Variants in SSBP2 observed in about 807,000 individuals in gnomAD.
The protein encoded by SSBP2 is single stranded DNA binding protein 2.
SSBP2 carries 17 observed loss-of-function variants against 61.8 expected under a neutral mutation model. The ratio of observed to expected loss-of-function variants is 0.28; its 90% CI spans 0.19 to 0.41. The LOEUF is 0.41. Ranked by LOEUF, SSBP2 falls within the 10% of genes least tolerant of loss-of-function variation. The pLI, the probability that SSBP2 is intolerant of heterozygous loss-of-function variation, is 1.00. For missense variants in SSBP2, 310 were observed against 458.7 expected (o/e 0.68, Z 2.96); for synonymous variants, 139 against 141.3 (o/e 0.98, Z 0.12).
intron 4 of SSBP2, among the ~76,000 whole-genome samples, chr5:81,531,831 G>A (rs1349122884): frequency 6.6e-6 from 1 of 152,092 alleles, no homozygotes; most frequent in African/African-American, 2.4e-5. Context: ...TAAGGCTAGA[G>A]CAAGAGGTAT....
intron 1 of SSBP2, among the ~76,000 whole-genome samples, chr5:81,698,243 C>T (rs753901688): frequency 2.6e-5 from 4 of 152,166 alleles, no homozygotes; most frequent in Admixed American, 6.5e-5. Flanking sequence ...AATTCTTCTA[C>T]ATTATGTGTA....
chr5:81,740,483 G>A (rs761245979), intron 1 of SSBP2, among the ~76,000 whole-genome samples: 1 of 151,928 alleles, frequency 6.6e-6, no homozygotes, highest in Non-Finnish European at 1.5e-5. Context: ...TTTTCTAATA[G>A]CCAGTATTAC....
At chr5:81,671,652 T>C (rs925355699) in intron 1 of SSBP2, among the ~76,000 whole-genome samples, 2 of 152,270 alleles carry the variant, frequency 1.3e-5, no homozygotes, top group Non-Finnish European at 2.9e-5. Flanking sequence ...TCTATTAATG[T>C]TCCAGCACTT....
intron 3 of SSBP2, among the ~76,000 whole-genome samples, chr5:81,630,625 G>T (rs760151949): frequency 6.6e-6 from 1 of 151,768 alleles, no homozygotes; most frequent in Non-Finnish European, 1.5e-5. Context: ...TACTTATTTG[G>T]TATCTACAGC....
At chr5:81,611,613 G>C (rs1419313730) in intron 4 of SSBP2, among the ~76,000 whole-genome samples, 3 of 152,100 alleles carry the variant, frequency 2.0e-5, no homozygotes, top group Non-Finnish European at 4.4e-5. Flanking sequence ...ATCACAGGCA[G>C]TGTAACATCA....
chr5:81,426,440 G>C (rs188791030), intron 16 of SSBP2, among the ~76,000 whole-genome samples: 1 of 152,306 alleles, frequency 6.6e-6, no homozygotes, highest in Non-Finnish European at 1.5e-5. Flanking sequence ...CAGGAGACAA[G>C]GAGGGAAGAG....
At chr5:81,521,655 T>C (rs913095048) in intron 4 of SSBP2, among the ~76,000 whole-genome samples, 3 of 152,148 alleles carry the variant, frequency 2.0e-5, no homozygotes, top group African/African-American at 4.8e-5. Flanking sequence ...TACTTTTAAT[T>C]CTCAGATGTT....
intron 4 of SSBP2, among the ~76,000 whole-genome samples, chr5:81,576,621 T>C (rs1774238323): frequency 6.6e-6 from 1 of 152,148 alleles, no homozygotes; most frequent in South Asian, 2.1e-4. Flanking sequence ...ACTAGATGTC[T>C]GACCTTCACA....
chr5:81,675,250 G>A (rs1188796963), intron 1 of SSBP2, among the ~76,000 whole-genome samples: 1 of 152,102 alleles, frequency 6.6e-6, no homozygotes, highest in Non-Finnish European at 1.5e-5. Context: ...TTTTTAGCTA[G>A]ACACATTGTT....
chr5:81,482,305 C>T (rs1042658844), intron 6 of SSBP2, among the ~76,000 whole-genome samples: 4 of 152,088 alleles, frequency 2.6e-5, no homozygotes, highest in African/African-American at 9.7e-5. Context: ...CTGGCTTCAA[C>T]TTAAGGTCAC....
At chr5:81,430,002 C>T (rs568708787) in intron 15 of SSBP2, among the ~76,000 whole-genome samples, 3 of 152,014 alleles carry the variant, frequency 2.0e-5, no homozygotes, top group African/African-American at 4.8e-5. Flanking sequence ...AAATTTTTCT[C>T]TGAAAAATGT....
chr5:81,530,822 A>G (rs1770333466), intron 4 of SSBP2, among the ~76,000 whole-genome samples: 1 of 152,154 alleles, frequency 6.6e-6, no homozygotes, highest in Non-Finnish European at 1.5e-5. Context: ...AGCTGTATAA[A>G]CATACAGAAT....
intron 4 of SSBP2, chr5:81,614,965 A>C (rs1406031552): frequency 6.6e-6 from 1 of 152,616 alleles, no homozygotes; most frequent in African/African-American, 2.4e-5. Flanking sequence ...AGAATCTTCT[A>C]CTCTTGTCTG....
intron 5 of SSBP2, 101 bp downstream of exon 5, chr5:81,513,527 A>AC: frequency 1.4e-6 from 1 of 715,352 alleles, no homozygotes; most frequent in Non-Finnish European, 2.4e-6. Flanking sequence ...ATTATTATTT[A>AC]CCTTAAAAAT....
intron 5 of SSBP2, among the ~76,000 whole-genome samples, chr5:81,491,991 T>C (rs1193239423): frequency 6.6e-6 from 1 of 152,208 alleles, no homozygotes; most frequent in East Asian, 1.9e-4. Flanking sequence ...TCTAAAAGCG[T>C]TTGCATACTA....
intron 5 of SSBP2, among the ~76,000 whole-genome samples, chr5:81,501,602 GC>G (rs1264629432): frequency 7.2e-6 from 1 of 139,194 alleles, no homozygotes; most frequent in Non-Finnish European, 1.5e-5. Context: ...TCACTCTGTG[GC>G]CCAGGCTGGA....
Position 81,461,107 on chromosome 5 carries a change from C to A in SSBP2, c.639-4G>T, listed in dbSNP as rs543154976. On this transcript the variant is annotated splice_polypyrimidine_tract_variant and splice_region_variant and intron_variant, in intron 9 of 16. Transcript: ENST00000320672. ...AGGTCTACCACCACCTGGACCCCTA[C>A]AAAACAATTTGATAAATGAAATTTT... 1.3e-6 allele frequency: 2 copies of A among 1,584,870 alleles called. No homozygotes were observed. The highest frequency in any genetic ancestry group is 2.3e-5 in the East Asian group (1 of 43,738).
chr5:81,477,369 C>T (rs1765661287), intron 6 of SSBP2, among the ~76,000 whole-genome samples: 1 of 152,172 alleles, frequency 6.6e-6, no homozygotes, highest in South Asian at 2.1e-4. Context: ...AATGCATACT[C>T]TCCAACATCA....
chr5:81,636,590 C>T lies in SSBP2; in HGVS notation c.164G>A (p.Gly55Glu). Residue 55 changes from glycine to glutamate, a missense_variant, in exon 3 of 17, where the codon GGG (glycine) becomes GAG (glutamate). Gly to Glu is a moderately conservative substitution (Grantham distance 98). Transcript: ENST00000320672. ...AGAATGTAAGAATCCTGGTGGTTCC[C>T]CCAATGTGATGTTTTTTTCCCATCT... 6.2e-7 allele frequency: 1 copy of T among 1,610,328 alleles called. No individual in the cohort carries two copies.
Sources: gnomAD v4.1 joint callset for allele counts (sites outside exome capture counted in the v4.1 genomes callset) on GRCh38, gnomAD v4.1.1 for gene constraint, MANE v1.5 for transcripts, NCBI Gene and HGNC (gene_info 2026-07-23, HGNC 2026-07-21) for gene names.